The following VAV2 variants were observed in gnomAD, a reference collection of about 807,000 sequenced individuals.
The protein encoded by VAV2 is vav guanine nucleotide exchange factor 2, also known as guanine nucleotide exchange factor VAV2.
A neutral mutation model predicts 132.5 loss-of-function variants in VAV2; 67 were observed. The observed-to-expected ratio is 0.51, with a 90% CI of 0.42 to 0.62. The LOEUF (loss-of-function observed/expected upper bound fraction) is 0.62. Ranked by LOEUF, VAV2 falls within the 20% of genes least tolerant of loss-of-function variation. The probability of loss-of-function intolerance (pLI) is 0.00; values close to 1 mark genes in which losing one functional copy is unlikely to be tolerated. For missense variants in VAV2, 938 were observed against 1,153.6 expected (o/e 0.81, Z 2.71); for synonymous variants, 492 against 443.5 (o/e 1.11, Z -1.37).
intron 1 of VAV2, among the ~76,000 whole-genome samples, chr9:133,980,213 AGGG>A (rs1176047418): frequency 6.6e-6 from 1 of 152,104 alleles, no homozygotes; most frequent in African/African-American, 2.4e-5. Flanking sequence ...TTGCCGGTGG[AGGG>A]GGGAAGTGAA....
In VAV2 at chr9:133,987,687, G is replaced by A. The variant is rs1449397632; in HGVS notation, c.204+4388C>T. 2.6e-5 allele frequency among the ~76,000 whole-genome samples: 4 copies of A among 152,298 alleles called. No individual in the cohort carries two copies. In the East Asian group the frequency reaches 5.8e-4, roughly 22 times the overall value. On this transcript the variant is annotated intron_variant, in intron 1 of 29. Coordinates refer to ENST00000371850, the MANE Select transcript of VAV2 (RefSeq NM_001134398.2). ...GATGTGGGCAAGTCAGAGGCTGGGCGGCGGGTGGTACCTTAAGGGTGCAAA... is the reference window on the plus strand; with the variant it reads ...GATGTGGGCAAGTCAGAGGCTGGGCAGCGGGTGGTACCTTAAGGGTGCAAA...
At position 133,883,998 on chromosome 9, in the gene VAV2, G is replaced by A. The variant is rs561210689; in HGVS notation, c.322-22566C>T. On this transcript the variant is annotated intron_variant, in intron 2 of 29. Transcript: ENST00000371850. This position sits in a 1 kb window ranked among gnomAD's most constrained non-coding sequence, Gnocchi z 4.2. ...AAATACAAAAAAATTAGCTGGGCAC[G>A]GTGGCGCACACCTGTAGTCCCAGCT... Among the ~76,000 whole-genome samples, 29 of 152,190 alleles carry A rather than the reference G, an allele frequency of 1.9e-4. No individual in the cohort carries two copies. The highest frequency in any genetic ancestry group is 5.3e-4 in the African/African-American group (22 of 41,524).
At chr9:133,810,143 A>G (rs754386361) in intron 6 of VAV2, 48 bp downstream of exon 6, 1 of 1,611,836 alleles carries the variant, frequency 6.2e-7, no homozygotes, top group African/African-American at 1.3e-5. Context: ...AAGGTCAAGA[A>G]GACGGCGCAG....
chr9:133,961,903 C>T lies in VAV2; in HGVS notation c.205-22684G>A, dbSNP rs1001905529. Among the ~76,000 whole-genome samples the T allele has an allele frequency of 1.3e-5, 2 of 152,288 alleles. No homozygotes were observed. The highest frequency in any genetic ancestry group is 6.5e-5 in the Admixed American group (1 of 15,298). On this transcript the variant is annotated intron_variant, in intron 1 of 29. Transcript: ENST00000371850. The surrounding 1 kb of genome is among the most constrained non-coding windows in gnomAD (Gnocchi z 4.1). ...GCCTCATCCACCCAGAGGGTGCCCCCACCCTGACTCCTCACCCCACGGTGG... is the reference window on the plus strand; with the variant it reads ...GCCTCATCCACCCAGAGGGTGCCCCTACCCTGACTCCTCACCCCACGGTGG...
chr9:133,792,576 T>C (rs1348613280), intron 12 of VAV2, among the ~76,000 whole-genome samples: 1 of 151,162 alleles, frequency 6.6e-6, no homozygotes, highest in East Asian at 1.9e-4. Flanking sequence ...TGTGTCTGAC[T>C]GTGTGGTTGT....
At position 133,843,253 on chromosome 9, in the gene VAV2, G is replaced by T. The variant is rs548322862; in HGVS notation, c.381-8913C>A. On this transcript the variant is annotated intron_variant, in intron 3 of 29. Coordinates refer to ENST00000371850, the MANE Select transcript of VAV2 (RefSeq NM_001134398.2). ...CAGGGAGCACGCAGAGACAGCTCGG[G>T]GTGGCAGGGAGTCTGAACCTGGGGA... Among the ~76,000 whole-genome samples the T allele has an allele frequency of 5.5e-3, 841 of 152,292 alleles. 6 individuals are homozygous for T. The highest frequency in any genetic ancestry group is 0.019 in the African/African-American group (796 of 41,556).
chr9:133,824,351 G>C lies in VAV2; in HGVS notation c.449+9921C>G, dbSNP rs777000159. Among the ~76,000 whole-genome samples the C allele has an allele frequency of 6.6e-6, 1 of 151,874 alleles. No individual in the cohort carries two copies. Among genetic ancestry groups the C allele is most frequent in the African/African-American group, 2.4e-5 (1 of 41,302 alleles). On this transcript the variant is annotated intron_variant, in intron 4 of 29. Transcript: ENST00000371850. The surrounding 1 kb of genome is among the most constrained non-coding windows in gnomAD (Gnocchi z 5.2). ...CCAGGTCCACCAGCCCTCAGTTCCCGAGAACAGACACAGCAGAGACCAGGA... is the reference window on the plus strand; with the variant it reads ...CCAGGTCCACCAGCCCTCAGTTCCCCAGAACAGACACAGCAGAGACCAGGA...
intron 1 of VAV2, among the ~76,000 whole-genome samples, chr9:133,940,172 G>C (rs2519102): frequency 6.6e-6 from 1 of 152,002 alleles, no homozygotes; most frequent in East Asian, 1.9e-4. Context: ...GTTTTCTACC[G>C]CCACCTGCCT....
intron 2 of VAV2, among the ~76,000 whole-genome samples, chr9:133,881,464 C>T (rs1322337646): frequency 6.6e-6 from 1 of 152,220 alleles, no homozygotes; most frequent in East Asian, 1.9e-4. Flanking sequence ...AAGGAGTCTC[C>T]AAGGCAAGCT....
intron 1 of VAV2, among the ~76,000 whole-genome samples, chr9:133,940,667 A>ACATG (rs1302068909): frequency 7.5e-6 from 1 of 134,226 alleles, no homozygotes; most frequent in Non-Finnish European, 1.6e-5. Flanking sequence ...CTCTCTGTCC[A>ACATG]CGTGCGTGTG....
intron 2 of VAV2, among the ~76,000 whole-genome samples, chr9:133,911,717 A>G (rs571328280): frequency 6.6e-6 from 1 of 152,276 alleles, no homozygotes; most frequent in South Asian, 2.1e-4. Flanking sequence ...TGCATCACAC[A>G]CACACTAAAG....
In VAV2 at chr9:133,926,350, G is replaced by C. The variant is rs560297810; in HGVS notation, c.321+12753C>G. ...GTCCTAAGAGGGAAGGGAGACAACAGGTGGGCATCACTCCCCAGGGCGCCA... is the reference window on the plus strand; with the variant it reads ...GTCCTAAGAGGGAAGGGAGACAACACGTGGGCATCACTCCCCAGGGCGCCA... On this transcript the variant is annotated intron_variant, in intron 2 of 29. Coordinates refer to ENST00000371850, the MANE Select transcript of VAV2 (RefSeq NM_001134398.2). This position sits in a 1 kb window ranked among gnomAD's most constrained non-coding sequence, Gnocchi z 4.3. 1 of 152,410 alleles carries C rather than the reference G, an allele frequency of 6.6e-6. No individual in the cohort carries two copies. The highest frequency in any genetic ancestry group is 1.5e-5 in the Non-Finnish European group (1 of 68,202). The allele number at this position is 152,410 out of a possible 1,614,324, so 9.4% of individuals were successfully genotyped here. A position where few individuals can be genotyped will look rare whatever the true frequency, so the allele number is the denominator to read the frequency against.
Position 133,912,725 on chromosome 9 carries a change from G to C in VAV2, c.321+26378C>G, listed in dbSNP as rs973538519. Among the ~76,000 whole-genome samples, 1 of 152,098 alleles carries C rather than the reference G, an allele frequency of 6.6e-6. No homozygotes were observed. Among genetic ancestry groups the C allele is most frequent in the South Asian group, 2.1e-4 (1 of 4,818 alleles). ...GCAGTCACCGGTGGTTGACTATTAGGGGGGATAGTTGTGTTCTTTTATTTC... is the reference window on the plus strand; with the variant it reads ...GCAGTCACCGGTGGTTGACTATTAGCGGGGATAGTTGTGTTCTTTTATTTC... On this transcript the variant is annotated intron_variant, in intron 2 of 29. Coordinates refer to ENST00000371850, the MANE Select transcript of VAV2 (RefSeq NM_001134398.2). This position sits in a 1 kb window ranked among gnomAD's most constrained non-coding sequence, Gnocchi z 4.3.
At chr9:133,944,084 A>G (rs1000040348) in intron 1 of VAV2, among the ~76,000 whole-genome samples, 2 of 152,268 alleles carry the variant, frequency 1.3e-5, no homozygotes, top group East Asian at 3.9e-4. Flanking sequence ...GGCAAGCTTC[A>G]CCGGCCAAGC....
intron 15 of VAV2, 133 bp from the exon 16 acceptor site, chr9:133,787,393 G>A (rs1834271059): frequency 1.8e-6 from 2 of 1,095,750 alleles, no homozygotes; most frequent in Admixed American, 6.8e-5. Context: ...CCAGGCTGGG[G>A]GTGGGGTGAT....
At chr9:133,925,963 T>C (rs1418931794) in intron 2 of VAV2, 1 of 116,622 alleles carries the variant, frequency 8.6e-6, no homozygotes, top group Admixed American at 1.1e-4. Flanking sequence ...GGAGAAACAA[T>C]TAACCATTTA....
chr9:133,986,205 C>T (rs1425599998), intron 1 of VAV2, among the ~76,000 whole-genome samples: 1 of 152,214 alleles, frequency 6.6e-6, no homozygotes, highest in Non-Finnish European at 1.5e-5. Context: ...TGGGGCACAG[C>T]CAAGCCCTGG....
At chr9:133,916,272 G>A (rs995369596) in intron 2 of VAV2, among the ~76,000 whole-genome samples, 3 of 152,240 alleles carry the variant, frequency 2.0e-5, no homozygotes, top group Non-Finnish European at 2.9e-5. Context: ...GGTCCCACTC[G>A]ATAAGAAGGA....
chr9:133,777,112 A>G (rs1833843280), intron 23 of VAV2, among the ~76,000 whole-genome samples: 1 of 152,102 alleles, frequency 6.6e-6, no homozygotes, highest in Non-Finnish European at 1.5e-5. Flanking sequence ...TCTTCACCCC[A>G]TTACAGCTGC....
Sources: allele counts gnomAD v4.1 joint callset (sites outside exome capture counted in the v4.1 genomes callset), GRCh38; gene constraint gnomAD v4.1.1; non-coding constraint Gnocchi (gnomAD v3.1); transcripts MANE v1.5; gene names NCBI Gene and HGNC (gene_info 2026-07-23, HGNC 2026-07-21).